Variants in MVD observed in about 807,000 individuals in gnomAD.
MVD encodes the protein diphosphomevalonate decarboxylase.
A neutral mutation model predicts 42.4 loss-of-function variants in MVD; 52 were observed. The ratio of observed to expected loss-of-function variants is 1.23; its 90% CI spans 0.98 to 1.55. MVD has a LOEUF of 1.55. MVD is among the 40% of genes most tolerant of loss of function. MVD has a pLI of 0.00. For synonymous variants in MVD, 287 were observed against 243.2 expected, an observed-to-expected ratio of 1.18 and a Z score of -1.68; for missense variants, 663 against 572.1, an observed-to-expected ratio of 1.16 and a Z score of -1.62.
intron 4 of MVD, chr16:88,657,132 G>GA (rs755347821): frequency 7.8e-5 from 36 of 464,362 alleles, no homozygotes; most frequent in East Asian, 5.7e-4. Flanking sequence ...TGTAGAGATG[G>GA]GGGGGGGTCT....
At chr16:88,654,999 G>A in intron 7 of MVD, 192 bp from the exon 8 acceptor site, 1 of 858,698 alleles carries the variant, frequency 1.2e-6, no homozygotes, top group African/African-American at 1.7e-5. Context: ...GAAGAAGGTG[G>A]TGGGGCCGTG....
rs1444671648 is a variant in MVD, at chr16:88,656,285, G to C, written c.423C>G (p.Val141=). 1 of 1,599,764 alleles carries C rather than the reference G, an allele frequency of 6.3e-7. No homozygotes were observed. Among genetic ancestry groups the C allele is most frequent in the African/African-American group, 1.3e-5 (1 of 75,044 alleles). The change falls in exon 5 of 10, where the codon GTC becomes GTG. Residue 141 remains valine (V), a synonymous_variant. Transcript: ENST00000301012. ...CTGAGAGGTCACTCTCCACGCCGTA[G>C]ACACGGGCCAGGGTGTAGGCTGCAG... is the stretch of plus-strand genomic sequence containing the variant. ...YACLAYTLAR[V]YGVESDLSEV...
At chr16:88,652,933 C>A (rs543670258) in intron 9 of MVD, among the ~76,000 whole-genome samples, 1 of 152,088 alleles carries the variant, frequency 6.6e-6, no homozygotes, top group Admixed American at 6.5e-5. Context: ...GCTTGGCCCT[C>A]GGAGCAGGTC....
intron 4 of MVD, chr16:88,657,136 G>GT (rs750530932): frequency 2.5e-5 from 15 of 599,134 alleles, no homozygotes; most frequent in Non-Finnish European, 3.7e-5. Context: ...GAGATGGGGG[G>GT]GGGTCTCACT....
chr16:88,654,202 CGCCAAGATG>C (rs1907761119), intron 8 of MVD, among the ~76,000 whole-genome samples: 1 of 151,944 alleles, frequency 6.6e-6, no homozygotes, highest in Non-Finnish European at 1.5e-5. Flanking sequence ...GGCTCTGTGG[CGCCAAGATG>C]CAGCTGCCGG....
rs1164823980 is a variant in MVD at position 88,658,727 on chromosome 16, T to C, written c.71-7A>G. 1 of 1,610,136 alleles carries C rather than the reference T, an allele frequency of 6.2e-7. No individual in the cohort carries two copies. Among genetic ancestry groups the C allele is most frequent in the Admixed American group, 1.7e-5 (1 of 59,724 alleles). ...TCTTCATCGCGCTTGCCCCCTGTAA[T>C]GAACAGCCAGGGCCAGGCCGGTGGG... On this transcript the variant is annotated splice_polypyrimidine_tract_variant and splice_region_variant and intron_variant, in intron 1 of 9. Transcript: ENST00000301012.
At chr16:88,657,283 G>A in intron 4 of MVD, 153 bp downstream of exon 4, 1 of 1,054,932 alleles carries the variant, frequency 9.5e-7, no homozygotes, top group Non-Finnish European at 1.4e-6. Context: ...GCTCTGGGAA[G>A]AGACTGAACA....
chr16:88,662,430 C>T (rs111584322), intron 1 of MVD, among the ~76,000 whole-genome samples: 2,799 of 152,340 alleles, frequency 0.018, 67 homozygotes, highest in African/African-American at 0.054. Flanking sequence ...TCAGTGGCGG[C>T]CAGGTAACCC....
rs1316210755 is a variant in MVD, at chr16:88,652,235, G to C, written c.*290C>G. On this transcript the variant is annotated 3_prime_UTR_variant, in exon 10 of 10. Coordinates refer to ENST00000301012, the MANE Select transcript of MVD (RefSeq NM_002461.3). ...GCATAGCCAGAGCTGGGGTGAGAAA[G>C]CCCTTCAGCCCTGCTGCACCGAGGC... 1.6e-5 allele frequency: 9 copies of C among 546,426 alleles called. No homozygotes were observed. The highest frequency in any genetic ancestry group is 3.0e-5 in the Non-Finnish European group (9 of 302,264). The allele number at this position is 546,426 out of a possible 1,614,324, so 33.8% of individuals were successfully genotyped here.
intron 9 of MVD, 46 bp downstream of exon 9, chr16:88,653,254 G>C (rs1053647986): frequency 6.6e-7 from 1 of 1,511,294 alleles, no homozygotes; most frequent in Non-Finnish European, 9.0e-7. Context: ...GGGCCCCCCT[G>C]GCAGGAAAGG....
At chr16:88,661,921 C>T (rs1245214837) in intron 1 of MVD, among the ~76,000 whole-genome samples, 1 of 111,390 alleles carries the variant, frequency 9.0e-6, no homozygotes, top group Non-Finnish European at 1.8e-5. Flanking sequence ...TACATATACA[C>T]ACACATATAT....
chr16:88,655,585 C>G, intron 6 of MVD, 71 bp downstream of exon 6: 8 of 1,532,298 alleles, frequency 5.2e-6, no homozygotes, highest in Admixed American at 3.9e-5. Flanking sequence ...CGGGCCCAGA[C>G]AGAGGCTGAG....
chr16:88,654,748 C>G lies in MVD; in HGVS notation c.957G>C (p.Val319=), dbSNP rs1907797234. The G allele has an allele frequency of 3.1e-6, 5 of 1,603,866 alleles. No individual in the cohort carries two copies. Among genetic ancestry groups the G allele is most frequent in the Non-Finnish European group, 4.2e-6 (5 of 1,176,716 alleles). ...GCCACACAGCAGCCACAAACTCAGC[C>G]ACAGTGTCGTCCAGGGTGAAGATCA... ...NAVIFTLDDT[V]AEFVAAVWHG... Residue 319 remains valine (V), a synonymous_variant, in exon 8 of 10, where the codon GTG becomes GTC. Coordinates refer to ENST00000301012, the MANE Select transcript of MVD (RefSeq NM_002461.3).
At chr16:88,659,856 A>T (rs1300062118) in intron 1 of MVD, among the ~76,000 whole-genome samples, 2 of 151,636 alleles carry the variant, frequency 1.3e-5, no homozygotes, top group Non-Finnish European at 2.9e-5. Context: ...TATCCCAGCT[A>T]CTCAGGAGGC....
chr16:88,658,758 CGGCCCA>C, intron 1 of MVD, 38 bp from the exon 2 acceptor site: 1 of 1,498,962 alleles, frequency 6.7e-7, no homozygotes, highest in Non-Finnish European at 9.0e-7. Flanking sequence ...GTGGGCTTCC[CGGCCCA>C]CCCTCCCCCA....
rs370555660 is a variant in MVD, at chr16:88,657,550, G to T, written c.289C>A (p.Arg97=). The T allele has an allele frequency of 6.2e-7, 1 of 1,612,500 alleles. No homozygotes were observed. The highest frequency in any genetic ancestry group is 8.5e-7 in the Non-Finnish European group (1 of 1,179,758). Residue 97 remains arginine, a synonymous_variant, in exon 4 of 10, where the codon CGG becomes AGG. Transcript: ENST00000301012. ...RCLARKRRNS[R]DGDPLPSSLS... ...CTGGAGGGCAGCGGGTCCCCATCCC[G>T]TGAGTTCCTCCGCTTCCGGGCCAGG...
At chr16:88,653,792 G>A (rs965425062) in intron 8 of MVD, among the ~76,000 whole-genome samples, 2 of 152,058 alleles carry the variant, frequency 1.3e-5, no homozygotes, top group Non-Finnish European at 2.9e-5. Context: ...TGGTGCGTTC[G>A]TCACCGTGTT....
rs755948940 is a variant in MVD, at chr16:88,655,221, T to C, written c.875A>G (p.Asn292Ser). 7.0e-6 allele frequency: 11 copies of C among 1,571,020 alleles called. No homozygotes were observed. The African/African-American group carries it at 9.4e-5, about 13-fold the overall frequency. Residue 292 changes from asparagine (N) to serine (S), a missense_variant, in exon 7 of 10, where the codon AAC becomes AGC. By Grantham distance (46) the Asn-to-Ser change is conservative. Coordinates refer to ENST00000301012, the MANE Select transcript of MVD (RefSeq NM_002461.3). ...CACCTTGGTGTCCCCGTGGTGGGCG[T>C]TGAAGCGGTGCACCAGGTGGATGAT... Reference protein sequence around the residue: ...WRIIHLVHRFNAHHGDTKVAY... With the variant: ...WRIIHLVHRFSAHHGDTKVAY...
rs560974500 is a variant in MVD at position 88,655,553 on chromosome 16, C to T, written c.678+103G>A. The T allele has an allele frequency of 9.3e-5, 141 of 1,514,586 alleles. 1 individual carries two copies. In the South Asian group the frequency reaches 1.6e-3, roughly 17 times the overall value. The allele number at this position is 1,514,586 out of a possible 1,614,324, so 93.8% of individuals were successfully genotyped here. A position where few individuals can be genotyped will look rare whatever the true frequency, so the allele number is the denominator to read the frequency against. ...GCTCCTGCACGTGGTCTTGGCGGGG[C>T]TGCCGCAGGTGTGAGAACACTCGGG... On this transcript the variant is annotated intron_variant, in intron 6 of 9. Transcript: ENST00000301012.
Sources: gnomAD v4.1 joint callset for allele counts (sites outside exome capture counted in the v4.1 genomes callset) on GRCh38, gnomAD v4.1.1 for gene constraint, MANE v1.5 for transcripts, NCBI Gene and HGNC (gene_info 2026-07-23, HGNC 2026-07-21) for gene names.